YAP1: variants seen among roughly 807,000 people sequenced by gnomAD.
YAP1 encodes Yes1 associated transcriptional regulator, also known as transcriptional coactivator YAP1.
A neutral mutation model predicts 56.9 loss-of-function variants in YAP1; 5 were observed. The observed-to-expected ratio is 0.09, with a 90% confidence interval of 0.05 to 0.18. The LOEUF is 0.18. YAP1 is among the 10% of genes least tolerant of loss of function. The pLI is 1.00. For missense variants in YAP1, 539 were observed against 651.8 expected, an observed-to-expected ratio of 0.83 and a Z score of 1.88; for synonymous variants, 265 against 248.1, an observed-to-expected ratio of 1.07 and a Z score of -0.64.
chr11:102,178,841 G>A (rs1335900814), intron 3 of YAP1, among the ~76,000 whole-genome samples: 2 of 152,202 alleles, frequency 1.3e-5, no homozygotes, highest in East Asian at 3.8e-4. Context: ...TGTACAGGAA[G>A]CATGGTGCCA....
At chr11:102,216,885 G>GT (rs1028923857) in intron 6 of YAP1, among the ~76,000 whole-genome samples, 1 of 152,112 alleles carries the variant, frequency 6.6e-6, no homozygotes, top group African/African-American at 2.4e-5. Flanking sequence ...AGGTCAAATA[G>GT]TTTTTTTCTA....
chr11:102,194,047 C>G (rs190705907), intron 4 of YAP1, among the ~76,000 whole-genome samples: 1 of 152,072 alleles, frequency 6.6e-6, no homozygotes, highest in Non-Finnish European at 1.5e-5. Context: ...ACTCGTGATC[C>G]GCCCACCTCG....
intron 2 of YAP1, among the ~76,000 whole-genome samples, chr11:102,138,514 C>T (rs1407529371): frequency 6.6e-6 from 1 of 152,162 alleles, no homozygotes; most frequent in Non-Finnish European, 1.5e-5. Flanking sequence ...GCTTTAAGGC[C>T]TCCTGAGGCC....
At chr11:102,203,452 TTTC>T (rs1948976313) in intron 4 of YAP1, among the ~76,000 whole-genome samples, 1 of 152,208 alleles carries the variant, frequency 6.6e-6, no homozygotes, top group Admixed American at 6.5e-5. Context: ...TAATTATATT[TTTC>T]TTTTTTTAAA....
chr11:102,206,195 A>G, intron 5 of YAP1, 121 bp downstream of exon 5: 2 of 1,207,426 alleles, frequency 1.7e-6, no homozygotes, highest in Non-Finnish European at 2.3e-6. Context: ...AAACTGAGTG[A>G]CACAGAAGCA....
chr11:102,162,087 AGT>A (rs1277761170), intron 2 of YAP1, among the ~76,000 whole-genome samples: 1 of 152,230 alleles, frequency 6.6e-6, no homozygotes, highest in Non-Finnish European at 1.5e-5. Context: ...GGAGAAAATA[AGT>A]GTATGAATTT....
chr11:102,184,761 T>C (rs181427894), intron 3 of YAP1, among the ~76,000 whole-genome samples: 6 of 152,292 alleles, frequency 3.9e-5, no homozygotes, highest in Non-Finnish European at 8.8e-5. Context: ...TATTTGTGCA[T>C]AGGAGGGATA....
intron 2 of YAP1, among the ~76,000 whole-genome samples, chr11:102,124,578 C>T (rs1296417288): frequency 1.3e-5 from 2 of 152,070 alleles, no homozygotes; most frequent in Non-Finnish European, 2.9e-5. Context: ...TCTGTTTTAT[C>T]TGTTATTTTT....
intron 2 of YAP1, among the ~76,000 whole-genome samples, chr11:102,114,700 G>A (rs372225597): frequency 4.6e-5 from 7 of 152,050 alleles, no homozygotes; most frequent in African/African-American, 1.7e-4. Context: ...AATTAGCCTA[G>A]CACAAAACAG....
In YAP1 at chr11:102,230,009, T is replaced by C; in HGVS notation, c.*69T>C. ...GAGACACATGCACCGGAAATTTCCA[T>C]AAGCCAGTTGCAGTTTTCAGGCTAA... On this transcript the variant is annotated 3_prime_UTR_variant, in exon 9 of 9. Coordinates refer to ENST00000282441, the MANE Select transcript of YAP1 (RefSeq NM_001130145.3). 1 of 1,363,954 alleles carries C rather than the reference T, an allele frequency of 7.3e-7. No individual in the cohort carries two copies. Among genetic ancestry groups the C allele is most frequent in the Non-Finnish European group, 1.0e-6 (1 of 969,168 alleles). The allele number at this position is 1,363,954 out of a possible 1,614,324, so 84.5% of individuals were successfully genotyped here.
intron 2 of YAP1, among the ~76,000 whole-genome samples, chr11:102,150,095 C>A (rs959010437): frequency 1.3e-5 from 2 of 148,616 alleles, no homozygotes; most frequent in Non-Finnish European, 3.0e-5. Flanking sequence ...AGCGATTCTC[C>A]TGCCTCAGCC....
chr11:102,202,235 G>A (rs1004889334), intron 4 of YAP1, among the ~76,000 whole-genome samples: 3 of 151,278 alleles, frequency 2.0e-5, no homozygotes, highest in Admixed American at 6.6e-5. Context: ...TCTTGGCTCA[G>A]TGCAACCTCT....
chr11:102,205,945 G>A lies in YAP1; in HGVS notation c.855G>A (p.Leu285=), dbSNP rs767184680. The change falls in exon 5 of 9, where the codon CTG becomes CTA. Residue 285 remains leucine, a synonymous_variant. Coordinates refer to ENST00000282441, the MANE Select transcript of YAP1 (RefSeq NM_001130145.3). ...QSAPVKQPPP[L]APQSPQGGVM... ...CTCCAGTGAAACAGCCACCACCCCT[G>A]GCTCCCCAGAGCCCACAGGGAGGCG... is the stretch of plus-strand genomic sequence containing the variant. The A allele has an allele frequency of 6.2e-7, 1 of 1,611,274 alleles. No homozygotes were observed. Among genetic ancestry groups the A allele is most frequent in the East Asian group, 2.2e-5 (1 of 44,800 alleles).
chr11:102,225,540 A>G (rs542792058), intron 7 of YAP1, among the ~76,000 whole-genome samples: 8 of 152,278 alleles, frequency 5.3e-5, no homozygotes, highest in African/African-American at 1.7e-4. Flanking sequence ...CTTGTTTACT[A>G]TTTGATTTAT....
chr11:102,209,596 A>G (rs80177921), intron 6 of YAP1, 32 bp downstream of exon 6: 8 of 596,304 alleles, frequency 1.3e-5, no homozygotes, highest in South Asian at 8.2e-5. Flanking sequence ...TAGCACTGGA[A>G]AAAAAAAAAA....
chr11:102,228,741 T>TA (rs1162510196), intron 8 of YAP1, among the ~76,000 whole-genome samples: 2 of 151,916 alleles, frequency 1.3e-5, no homozygotes, highest in African/African-American at 4.8e-5. Flanking sequence ...TCCTGTGGCT[T>TA]ACCTGGCAAC....
intron 2 of YAP1, among the ~76,000 whole-genome samples, chr11:102,139,447 AACT>A (rs1381622812): frequency 6.6e-6 from 1 of 152,150 alleles, no homozygotes; most frequent in African/African-American, 2.4e-5. Context: ...GTGAGTTCAA[AACT>A]ACTGCTGTGC....
chr11:102,213,329 C>T (rs1048029853), intron 6 of YAP1, among the ~76,000 whole-genome samples: 10 of 152,104 alleles, frequency 6.6e-5, no homozygotes, highest in South Asian at 6.2e-4. Context: ...ACTAAAAATA[C>T]GGAAATTAGC....
intron 2 of YAP1, among the ~76,000 whole-genome samples, chr11:102,146,310 A>C (rs374557345): frequency 9.9e-5 from 15 of 152,212 alleles, no homozygotes; most frequent in African/African-American, 3.6e-4. Context: ...GGCGTGAGCC[A>C]CCACACCCGG....
Sources: allele counts gnomAD v4.1 joint callset (sites outside exome capture counted in the v4.1 genomes callset), GRCh38; gene constraint gnomAD v4.1.1; transcripts MANE v1.5; gene names NCBI Gene and HGNC (gene_info 2026-07-23, HGNC 2026-07-21).